ABCC4: variants seen among roughly 807,000 people sequenced by gnomAD.
The protein encoded by ABCC4 is ATP binding cassette subfamily C member 4 (PEL blood group), also known as ATP-binding cassette sub-family C member 4.
Under a neutral mutation model 168.5 loss-of-function variants are expected in ABCC4, and 102 were observed. The ratio of observed to expected loss-of-function variants is 0.61; its 90% CI spans 0.52 to 0.71. The LOEUF is 0.71. ABCC4 is among the 30% of genes least tolerant of loss of function. ABCC4 has a pLI of 0.00. For synonymous variants in ABCC4, 617 were observed against 590.7 expected (o/e 1.04, Z -0.65); for missense variants, 1,402 against 1,605.8 (o/e 0.87, Z 2.17).
intron 8 of ABCC4, among the ~76,000 whole-genome samples, chr13:95,201,217 T>A (rs2038615086): frequency 6.6e-6 from 1 of 152,174 alleles, no homozygotes; most frequent in Non-Finnish European, 1.5e-5. Flanking sequence ...ACTACATGCA[T>A]ACATCTATCT....
At position 95,236,983 on chromosome 13, in the gene ABCC4, C is replaced by T. The variant is rs543807399; in HGVS notation, c.307-2149G>A. ...CAGCAGACACACCTGGGCTATCAGC[C>T]AGACGCTCAGTGCTCTTTGCCTTTC... On this transcript the variant is annotated intron_variant, in intron 3 of 30. Transcript: ENST00000645237. Among the ~76,000 whole-genome samples the T allele has an allele frequency of 4.6e-5, 7 of 152,300 alleles. No homozygotes were observed. In the South Asian group the frequency reaches 1.5e-3, roughly 32 times the overall value.
chr13:95,116,991 G>A (rs895237298), intron 19 of ABCC4, among the ~76,000 whole-genome samples: 1 of 152,168 alleles, frequency 6.6e-6, no homozygotes, highest in Non-Finnish European at 1.5e-5. Context: ...ACCATGAATG[G>A]TCAGAGGCTG....
chr13:95,078,918 C>T (rs1288355271), intron 21 of ABCC4, among the ~76,000 whole-genome samples: 1 of 152,122 alleles, frequency 6.6e-6, no homozygotes, highest in Non-Finnish European at 1.5e-5. Context: ...TCCAAGTCGC[C>T]ACTGTTTTAT....
chr13:95,213,445 C>A (rs1006072907), intron 4 of ABCC4, among the ~76,000 whole-genome samples: 12 of 152,160 alleles, frequency 7.9e-5, no homozygotes, highest in African/African-American at 2.7e-4. Flanking sequence ...GCCTGAGTAG[C>A]AGAGGGTTTG....
intron 19 of ABCC4, among the ~76,000 whole-genome samples, chr13:95,128,405 C>T (rs1175599978): frequency 6.6e-6 from 1 of 152,186 alleles, no homozygotes; most frequent in Non-Finnish European, 1.5e-5. Context: ...GACATCAAAT[C>T]TCTGTGCATG....
chr13:95,058,896 C>T (rs2033178005), intron 26 of ABCC4, among the ~76,000 whole-genome samples: 1 of 152,218 alleles, frequency 6.6e-6, no homozygotes, highest in African/African-American at 2.4e-5. Flanking sequence ...CACAGTGAGG[C>T]ACGCTGTTCT....
chr13:95,286,390 G>A (rs1246695977), intron 1 of ABCC4, among the ~76,000 whole-genome samples: 1 of 151,994 alleles, frequency 6.6e-6, no homozygotes, highest in Non-Finnish European at 1.5e-5. Flanking sequence ...AAAGTGCTGA[G>A]ATTACAGGCA....
chr13:95,096,842 C>A (rs918826375), intron 20 of ABCC4, among the ~76,000 whole-genome samples: 1 of 152,068 alleles, frequency 6.6e-6, no homozygotes, highest in Non-Finnish European at 1.5e-5. Context: ...GATGGAAGCT[C>A]AGACTTCAGA....
At chr13:95,056,030 C>A (rs755970096) in intron 26 of ABCC4, among the ~76,000 whole-genome samples, 1 of 152,146 alleles carries the variant, frequency 6.6e-6, no homozygotes, top group Non-Finnish European at 1.5e-5. Context: ...TTCATATAAA[C>A]TTCTGGAAGA....
chr13:95,292,887 G>A (rs1009354973), intron 1 of ABCC4, among the ~76,000 whole-genome samples: 1 of 152,160 alleles, frequency 6.6e-6, no homozygotes, highest in Admixed American at 6.6e-5. Flanking sequence ...CAAAAGGGCT[G>A]TAAGTACTCA....
rs552453431 is a variant in ABCC4, at chr13:95,034,842, G to A, written c.3736-103C>T. The A allele has an allele frequency of 1.6e-4, 238 of 1,528,164 alleles. 4 individuals are homozygous for A. In the South Asian group the frequency reaches 2.6e-3, roughly 17 times the overall value. 94.7% of individuals were successfully genotyped at this position (1,528,164 alleles called of 1,614,324 possible). A position where few individuals can be genotyped will look rare whatever the true frequency, so the allele number is the denominator to read the frequency against. On this transcript the variant is annotated intron_variant, in intron 29 of 30. Transcript: ENST00000645237. The stretch of plus-strand genomic sequence containing the variant: ...AAGGGGCAGGAGAGGGAGAGAATCT[G>A]TTTGGGTGGTAGGCCTGGATAGTAT...
At chr13:95,169,662 T>C (rs2037400394) in intron 14 of ABCC4, among the ~76,000 whole-genome samples, 1 of 152,072 alleles carries the variant, frequency 6.6e-6, no homozygotes, top group Non-Finnish European at 1.5e-5. Flanking sequence ...CTTCCTTGCA[T>C]CTATCTCCAG....
intron 15 of ABCC4, among the ~76,000 whole-genome samples, chr13:95,165,484 G>T (rs1483244770): frequency 6.6e-6 from 1 of 152,152 alleles, no homozygotes; most frequent in Non-Finnish European, 1.5e-5. Flanking sequence ...GTACATTTCT[G>T]CCCGGAGGAC....
rs4148498 is a variant in ABCC4, at chr13:95,174,401, T to G, written c.1727+3306A>C. ...TCATAGCATATTGTTCAATCCAATT[T>G]TCTAACTCGTTGAGAACATTCTCCA... On this transcript the variant is annotated intron_variant, in intron 13 of 30. Coordinates refer to ENST00000645237, the MANE Select transcript of ABCC4 (RefSeq NM_005845.5). Among the ~76,000 whole-genome samples, 776 of 152,340 alleles carry G rather than the reference T, an allele frequency of 5.1e-3. 14 individuals carry two copies. Among genetic ancestry groups the G allele is most frequent in the East Asian group, 0.043 (225 of 5,190 alleles).
intron 30 of ABCC4, among the ~76,000 whole-genome samples, chr13:95,027,759 A>C (rs1317399505): frequency 1.3e-5 from 2 of 152,180 alleles, no homozygotes; most frequent in African/African-American, 2.4e-5. Flanking sequence ...AGAAACAAAA[A>C]TTATCTACTA....
chr13:95,194,273 T>G (rs1407761738), intron 9 of ABCC4, among the ~76,000 whole-genome samples: 3 of 152,218 alleles, frequency 2.0e-5, no homozygotes, highest in African/African-American at 7.2e-5. Flanking sequence ...CAGGAATCCA[T>G]GGAGCTTGCT....
chr13:95,061,421 T>C (rs535924160), intron 26 of ABCC4, among the ~76,000 whole-genome samples: 1 of 152,298 alleles, frequency 6.6e-6, no homozygotes, highest in Non-Finnish European at 1.5e-5. Flanking sequence ...GCCATAACTG[T>C]ACTTGGTCTA....
Position 95,163,219 on chromosome 13 carries a change from AT to A in ABCC4, c.2214-4del. 6.3e-7 allele frequency: 1 copy of A among 1,592,632 alleles called. No homozygotes were observed. Among genetic ancestry groups the A allele is most frequent in the Non-Finnish European group, 8.6e-7 (1 of 1,164,028 alleles). ...TTAGCATACTTTGTTTGTTTGCCCTATGGAACATGGGGAGAAAAAAATATTA... is the reference window on the plus strand; with the variant it reads ...TTAGCATACTTTGTTTGTTTGCCCTAGGAACATGGGGAGAAAAAAATATTA... On this transcript the variant is annotated splice_region_variant and splice_polypyrimidine_tract_variant and intron_variant, in intron 17 of 30. Transcript: ENST00000645237.
chr13:95,254,525 C>A (rs924757696), intron 1 of ABCC4, among the ~76,000 whole-genome samples: 9 of 152,160 alleles, frequency 5.9e-5, no homozygotes, highest in African/African-American at 1.7e-4. Context: ...ACAAAAAAAT[C>A]CTGCTCCTCC....
Sources: gnomAD v4.1 joint callset for allele counts (sites outside exome capture counted in the v4.1 genomes callset) on GRCh38, gnomAD v4.1.1 for gene constraint, MANE v1.5 for transcripts, NCBI Gene and HGNC (gene_info 2026-07-23, HGNC 2026-07-21) for gene names.